The following URI1 variants were observed in gnomAD, a reference collection of about 807,000 sequenced individuals.
The protein encoded by URI1 is URI1 prefoldin like chaperone, also known as unconventional prefoldin RPB5 interactor 1.
In URI1, 39 loss-of-function variants were observed where a neutral mutation model predicts 60.2. The observed-to-expected ratio is 0.65, with a 90% CI of 0.50 to 0.85. The LOEUF is 0.85. Among genes scored for constraint, URI1 ranks in the 40% least tolerant of loss-of-function variants. The pLI is 0.00. For missense variants in URI1, 691 were observed against 665.9 expected (o/e 1.04, Z -0.42); for synonymous variants, 251 against 236.8 (o/e 1.06, Z -0.55).
chr19:29,976,653 G>C (rs374142444), intron 2 of URI1, among the ~76,000 whole-genome samples: 1 of 152,188 alleles, frequency 6.6e-6, no homozygotes, highest in African/African-American at 2.4e-5. Flanking sequence ...CAAAAAGGAA[G>C]TCTCCGTCCT....
At chr19:29,980,181 C>T (rs1368587784) in intron 2 of URI1, 1 of 152,090 alleles carries the variant, frequency 6.6e-6, no homozygotes, top group East Asian at 1.9e-4. Context: ...AGGCATCCTT[C>T]AAGCTAGTGG....
At chr19:29,933,822 T>C (rs2145202032) in intron 1 of URI1, among the ~76,000 whole-genome samples, 1 of 12,820 alleles carries the variant, frequency 7.8e-5, no homozygotes, top group Non-Finnish European at 1.4e-4. Context: ...ACTCGATCTC[T>C]TTAAAAAAAA....
chr19:29,953,981 A>G (rs771569193), intron 1 of URI1, among the ~76,000 whole-genome samples: 1 of 152,224 alleles, frequency 6.6e-6, no homozygotes, highest in Non-Finnish European at 1.5e-5. Context: ...CTAAAAAAAT[A>G]AAACTGGGTT....
At chr19:29,926,191 G>C (rs188869816) in intron 1 of URI1, among the ~76,000 whole-genome samples, 29 of 151,552 alleles carry the variant, frequency 1.9e-4, no homozygotes, top group Non-Finnish European at 2.9e-4. Flanking sequence ...ATATTTTGGT[G>C]CACCCATTAC....
At chr19:30,008,858 CA>C (rs556143103) in intron 7 of URI1, 146 bp from the exon 8 acceptor site, 140 of 660,348 alleles carry the variant, frequency 2.1e-4, no homozygotes, top group South Asian at 1.8e-3. Flanking sequence ...TATTTCAAAA[CA>C]TTTTTTTGTT....
chr19:29,989,893 T>A (rs765095393), intron 4 of URI1, among the ~76,000 whole-genome samples: 1 of 152,188 alleles, frequency 6.6e-6, no homozygotes. Context: ...TTTTTAATTA[T>A]GAAGTTCAGC....
chr19:29,951,193 A>T (rs2055175337), intron 1 of URI1, among the ~76,000 whole-genome samples: 1 of 152,064 alleles, frequency 6.6e-6, no homozygotes, highest in Non-Finnish European at 1.5e-5. Flanking sequence ...TCCCATTATT[A>T]GTGTTGCTAA....
intron 1 of URI1, among the ~76,000 whole-genome samples, chr19:29,962,442 A>C (rs868042270): frequency 1.3e-4 from 19 of 148,454 alleles, no homozygotes; most frequent in Admixed American, 6.0e-4. Context: ...TTCACTAAGT[A>C]AGTCTCTGGT....
At chr19:29,954,804 C>T (rs1440304335) in intron 1 of URI1, among the ~76,000 whole-genome samples, 1 of 152,076 alleles carries the variant, frequency 6.6e-6, no homozygotes, top group Admixed American at 6.6e-5. Flanking sequence ...AGGTGTGAAC[C>T]ACCACAGCCG....
At chr19:29,933,747 G>A (rs989874376) in intron 1 of URI1, among the ~76,000 whole-genome samples, 11 of 151,448 alleles carry the variant, frequency 7.3e-5, no homozygotes, top group South Asian at 4.2e-4. Flanking sequence ...GCTAGAACCC[G>A]GGAGGCGGAG....
At chr19:29,945,074 G>A (rs2055086417) in intron 1 of URI1, among the ~76,000 whole-genome samples, 1 of 151,856 alleles carries the variant, frequency 6.6e-6, no homozygotes, top group African/African-American at 2.4e-5. Flanking sequence ...AATCAAACAT[G>A]CTTTTAAGCT....
chr19:29,959,468 A>G (rs933204722), intron 1 of URI1, among the ~76,000 whole-genome samples: 2 of 152,244 alleles, frequency 1.3e-5, no homozygotes, highest in Non-Finnish European at 2.9e-5. Flanking sequence ...GAGTTCATCA[A>G]CAAAGCCGTC....
chr19:29,957,853 A>G (rs537555807), intron 1 of URI1: 16 of 148,958 alleles, frequency 1.1e-4, no homozygotes, highest in African/African-American at 3.7e-4. Context: ...ATTTCTAGAT[A>G]CTATTTTTTG....
intron 4 of URI1, among the ~76,000 whole-genome samples, chr19:29,997,809 G>T (rs962943977): frequency 1.3e-5 from 2 of 152,010 alleles, no homozygotes; most frequent in Non-Finnish European, 2.9e-5. Context: ...CTGTTGCCCT[G>T]GCTGGAGTGC....
chr19:29,943,096 G>C (rs1444312186), intron 1 of URI1, among the ~76,000 whole-genome samples: 4 of 151,814 alleles, frequency 2.6e-5, no homozygotes, highest in African/African-American at 9.7e-5. Flanking sequence ...TTTAATATTT[G>C]TCACAATATA....
At chr19:29,950,404 C>T (rs77398215) in intron 1 of URI1, among the ~76,000 whole-genome samples, 21,977 of 152,086 alleles carry the variant, frequency 0.14, 1,672 homozygotes, top group Admixed American at 0.2. Flanking sequence ...ATGTCTCAAT[C>T]TTTTTAGTCT....
At chr19:29,963,542 T>TAA (rs1029813672) in intron 1 of URI1, among the ~76,000 whole-genome samples, 1 of 152,234 alleles carries the variant, frequency 6.6e-6, no homozygotes, top group African/African-American at 2.4e-5. Context: ...TTATGTTTGT[T>TAA]AACACCAGTA....
At chr19:29,947,332 C>A (rs1036359261) in intron 1 of URI1, among the ~76,000 whole-genome samples, 3 of 152,160 alleles carry the variant, frequency 2.0e-5, no homozygotes, top group Non-Finnish European at 4.4e-5. Flanking sequence ...TTTACAGATC[C>A]GATCTTAGAA....
chr19:29,934,694 C>A (rs987872924), intron 1 of URI1, among the ~76,000 whole-genome samples: 1 of 152,232 alleles, frequency 6.6e-6, no homozygotes, highest in African/African-American at 2.4e-5. Flanking sequence ...TGCCACCAAA[C>A]CTGGCTTATT....
Sources: gnomAD v4.1 joint callset for allele counts (sites outside exome capture counted in the v4.1 genomes callset) on GRCh38, gnomAD v4.1.1 for gene constraint, MANE v1.5 for transcripts, NCBI Gene and HGNC (gene_info 2026-07-23, HGNC 2026-07-21) for gene names.